The following DDB1 variants were observed in gnomAD, a reference collection of about 807,000 sequenced individuals.
The protein encoded by DDB1 is damage specific DNA binding protein 1, also known as DNA damage-binding protein 1.
A neutral mutation model predicts 133.1 loss-of-function variants in DDB1; 18 were observed. That is an observed-to-expected ratio of 0.14 (90% CI 0.09 to 0.20). The LOEUF is 0.20. Among genes scored for constraint, DDB1 ranks in the 10% least tolerant of loss-of-function variants. DDB1 has a pLI of 1.00. For synonymous variants in DDB1, 580 were observed against 550.5 expected (o/e 1.05, Z -0.75); for missense variants, 828 against 1,459.2 (o/e 0.57, Z 7.05).
At chr11:61,310,184 C>T (rs891759697) in intron 19 of DDB1, 111 bp downstream of exon 19, 3 of 1,486,338 alleles carry the variant, frequency 2.0e-6, no homozygotes, top group East Asian at 2.3e-5. Context: ...CTCCTTTCTG[C>T]TCCTCCTAGG....
chr11:61,325,129 C>T (rs1047525684), intron 6 of DDB1, among the ~76,000 whole-genome samples: 2 of 151,156 alleles, frequency 1.3e-5, no homozygotes, highest in African/African-American at 4.9e-5. Context: ...GCCTGGGCAA[C>T]AAGAGCAAAA....
chr11:61,331,360 C>T lies in DDB1; in HGVS notation c.210+183G>A, dbSNP rs201918599. Among the ~76,000 whole-genome samples, 8 of 152,214 alleles carry T rather than the reference C, an allele frequency of 5.3e-5. No homozygotes were observed. The East Asian group carries it at 1.5e-3, about 29-fold the overall frequency. ...CAAGCACGGTGGCATGCCTACAATA[C>T]CCCAGCTACTCTACTCCAGAGGCTA... On this transcript the variant is annotated intron_variant, in intron 2 of 26. Transcript: ENST00000301764.
intron 6 of DDB1, 65 bp from the exon 7 acceptor site, chr11:61,324,202 C>T (rs2134930575): frequency 6.3e-7 from 1 of 1,582,370 alleles, no homozygotes; most frequent in Non-Finnish European, 8.7e-7. Context: ...ACAAACCCTA[C>T]TGGACCACTC....
At position 61,310,333 on chromosome 11, in the gene DDB1, A is replaced by ACC; in HGVS notation, c.2361_2362dup (p.Val788GlyfsTer80). On this transcript the variant is annotated frameshift_variant, in exon 19 of 27. Coordinates refer to ENST00000301764, the MANE Select transcript of DDB1 (RefSeq NM_001923.5). LOFTEE classifies it high-confidence loss of function. ...TTGGTCAATGATAAGTAGGTTGTGCACCTCCACCTCTTCTCCAAAGGAGGT... is the reference window on the plus strand; with the variant it reads ...TTGGTCAATGATAAGTAGGTTGTGCACCCCTCCACCTCTTCTCCAAAGGAGGT... The ACC allele has an allele frequency of 6.2e-7, 1 of 1,612,466 alleles. No homozygotes were observed. Among genetic ancestry groups the ACC allele is most frequent in the Non-Finnish European group, 8.5e-7 (1 of 1,179,762 alleles).
At chr11:61,306,436 C>A (rs949557597) in intron 21 of DDB1, among the ~76,000 whole-genome samples, 13 of 152,170 alleles carry the variant, frequency 8.5e-5, no homozygotes, top group African/African-American at 3.1e-4. Flanking sequence ...ACACAACCAC[C>A]ATCACCCACT....
intron 1 of DDB1, chr11:61,332,162 C>G (rs1361058470): frequency 6.2e-6 from 1 of 160,612 alleles, no homozygotes; most frequent in African/African-American, 2.4e-5. Flanking sequence ...ACCCCCTGCC[C>G]TCCTGGCAGT....
chr11:61,320,205 T>C (rs1171300902), intron 10 of DDB1, among the ~76,000 whole-genome samples: 1 of 151,780 alleles, frequency 6.6e-6, no homozygotes, highest in African/African-American at 2.4e-5. Context: ...TTTTCTTTTT[T>C]TCTTTTTTTT....
rs1300845282 is a variant in DDB1, at chr11:61,310,302, G to A, written c.2394C>T (p.Thr798=). Residue 798 remains threonine (T), a synonymous_variant, in exon 19 of 27, where the codon ACC becomes ACT. Coordinates refer to ENST00000301764, the MANE Select transcript of DDB1 (RefSeq NM_001923.5). Reference sequence around the variant, plus strand: ...GAAAGAGCTCATGTGCACCTTCAAAGGTGTGTTGGTCAATGATAAGTAGGT... The same window carrying A: ...GAAAGAGCTCATGTGCACCTTCAAAAGTGTGTTGGTCAATGATAAGTAGGT... The part of the protein sequence containing the change: ...VHNLLIIDQH[T]FEVLHAHQFL... 1 of 1,610,224 alleles carries A rather than the reference G, an allele frequency of 6.2e-7. No individual in the cohort carries two copies. Among genetic ancestry groups the A allele is most frequent in the African/African-American group, 1.3e-5 (1 of 74,890 alleles).
rs886802778 is a variant in DDB1, at chr11:61,314,441, G to A, written c.1456C>T (p.Leu486=). 7.4e-6 allele frequency: 12 copies of A among 1,613,966 alleles called. No homozygotes were observed. The highest frequency in any genetic ancestry group is 1.1e-5 in the South Asian group (1 of 91,076). Residue 486 remains leucine, a synonymous_variant, in exon 13 of 27, where the codon CTG becomes TTG. Coordinates refer to ENST00000301764, the MANE Select transcript of DDB1 (RefSeq NM_001923.5). ...TGAGGCTCCTTCCATTCACTGACCA[G>A]AGCTTTGGGTTCTTGAGAGACCAAC... is the stretch of plus-strand genomic sequence containing the variant. The part of the protein sequence containing the change: ...VRLVSQEPKA[L]VSEWKEPQAK...
chr11:61,314,579 T>C, intron 12 of DDB1, 93 bp from the exon 13 acceptor site: 3 of 1,262,648 alleles, frequency 2.4e-6, no homozygotes, highest in Non-Finnish European at 3.3e-6. Context: ...AATAGAGCCC[T>C]ACGAATAAGC....
Position 61,311,886 on chromosome 11 carries a change from G to C in DDB1, c.2175C>G (p.Cys725Trp), listed in dbSNP as rs1334666395. Residue 725 changes from cysteine (C) to tryptophan (W), a missense_variant, in exon 18 of 27, where the codon TGC becomes TGG. This residue lies in a region of DDB1 where 396 missense variants were observed against 554.1 expected (regional missense o/e 0.71). Coordinates refer to ENST00000301764, the MANE Select transcript of DDB1 (RefSeq NM_001923.5). ...CGAAACACTGGGACACTTCCTGGTA[G>C]CAGATCTTCCTGCAGAACAAGTACA... Reference protein sequence around the residue: ...VPLYESPRKICYQEVSQCFGV... With the variant: ...VPLYESPRKIWYQEVSQCFGV... The C allele has an allele frequency of 6.2e-7, 1 of 1,614,218 alleles. No individual in the cohort carries two copies. Among genetic ancestry groups the C allele is most frequent in the Admixed American group, 1.7e-5 (1 of 60,024 alleles).
At chr11:61,316,594 G>A (rs371657565) in intron 10 of DDB1, 27 bp from the exon 11 acceptor site, 3 of 1,611,972 alleles carry the variant, frequency 1.9e-6, no homozygotes, top group East Asian at 4.5e-5. Context: ...GGATTCAGAT[G>A]CATAGGACAG....
chr11:61,331,189 T>G (rs1182204322), intron 2 of DDB1, among the ~76,000 whole-genome samples: 1 of 152,228 alleles, frequency 6.6e-6, no homozygotes, highest in African/African-American at 2.4e-5. Context: ...AATGTTTCCC[T>G]AATGAATCTC....
chr11:61,326,394 G>T (rs185063226), intron 5 of DDB1, among the ~76,000 whole-genome samples: 72 of 151,962 alleles, frequency 4.7e-4, no homozygotes, highest in Non-Finnish European at 8.7e-4. Flanking sequence ...AGGCTCAAGT[G>T]AACCTCCCAC....
intron 10 of DDB1, among the ~76,000 whole-genome samples, chr11:61,316,978 T>TATAG (rs1565034294): frequency 4.6e-5 from 3 of 65,744 alleles, no homozygotes; most frequent in Non-Finnish European, 1.1e-4. Flanking sequence ...TATATATATA[T>TATAG]ATATATATAT....
Position 61,302,261 on chromosome 11 carries a change from A to C in DDB1, c.3211T>G (p.Ser1071Ala). ...GGATGGCTCTGGGAAGGATATAAGG[A>C]GTGCTCGATCTTCCCCACACTTTTG... ...VIKSVGKIEH[S>A]FWRSFHTERK... The change falls in exon 25 of 27, where the codon TCC becomes GCC. Residue 1071 changes from serine to alanine, a missense_variant. This residue lies in a region of DDB1 where 116 missense variants were observed against 221.6 expected (regional missense o/e 0.52). Transcript: ENST00000301764. 6.2e-7 allele frequency: 1 copy of C among 1,613,770 alleles called. No individual in the cohort carries two copies. Among genetic ancestry groups the C allele is most frequent in the South Asian group, 1.1e-5 (1 of 91,072 alleles).
Position 61,299,512 on chromosome 11 carries a change from C to T in DDB1, c.*624G>A, listed in dbSNP as rs1414738756. On this transcript the variant is annotated 3_prime_UTR_variant, in exon 27 of 27. Coordinates refer to ENST00000301764, the MANE Select transcript of DDB1 (RefSeq NM_001923.5). ...GAAACTAACAATTCACATCCTCCCA[C>T]CTTCTTCTTTCCGAAGAAGGCAGTT... The T allele has an allele frequency of 6.6e-6, 1 of 152,446 alleles. No homozygotes were observed. Among genetic ancestry groups the T allele is most frequent in the Admixed American group, 6.5e-5 (1 of 15,310 alleles). 9.4% of individuals were successfully genotyped at this position (152,446 alleles called of 1,614,324 possible).
chr11:61,318,690 C>T (rs772712013), intron 10 of DDB1, among the ~76,000 whole-genome samples: 3 of 152,038 alleles, frequency 2.0e-5, no homozygotes, highest in Non-Finnish European at 4.4e-5. Context: ...TTTTGTTTTG[C>T]TTTTGCTATG....
In DDB1 at chr11:61,321,198, T is replaced by A. The variant is rs190025448; in HGVS notation, c.1225+397A>T. On this transcript the variant is annotated intron_variant, in intron 10 of 26. Transcript: ENST00000301764. The stretch of plus-strand genomic sequence containing the variant: ...CACCTCGCCTAGCCTCTGATCTTTT[T>A]TTTATTAAAATTCTCCTGGAATTTA... The A allele has an allele frequency of 3.3e-3, 509 of 155,530 alleles. 1 individual carries two copies. The highest frequency in any genetic ancestry group is 0.013 in the Middle Eastern group (4 of 298). The allele number at this position is 155,530 out of a possible 1,614,324, so 9.6% of individuals were successfully genotyped here.
Sources: gnomAD v4.1 joint callset for allele counts (sites outside exome capture counted in the v4.1 genomes callset) on GRCh38, gnomAD v4.1.1 for gene constraint, gnomAD v4.1.1 regional missense constraint, MANE v1.5 for transcripts, NCBI Gene and HGNC (gene_info 2026-07-23, HGNC 2026-07-21) for gene names.